MED1: variants seen among roughly 807,000 people sequenced by gnomAD.
MED1 encodes mediator of RNA polymerase II transcription subunit 1.
Under a neutral mutation model 121.3 loss-of-function variants are expected in MED1, and 17 were observed. That is an observed-to-expected ratio of 0.14 (90% CI 0.10 to 0.21). The LOEUF (loss-of-function observed/expected upper bound fraction) is 0.21. Among genes scored for constraint, MED1 ranks in the 10% least tolerant of loss-of-function variants. The pLI is 1.00. For synonymous variants in MED1, 661 were observed against 694.4 expected, an observed-to-expected ratio of 0.95 and a Z score of 0.76; for missense variants, 1,558 against 1,919.4, an observed-to-expected ratio of 0.81 and a Z score of 3.52.
intron 13 of MED1, among the ~76,000 whole-genome samples, chr17:39,420,325 G>A (rs957276396): frequency 2.7e-4 from 41 of 149,978 alleles, no homozygotes; most frequent in African/African-American, 9.8e-4. Flanking sequence ...TCAGCCTCCT[G>A]AGTAGCTGCG....
At chr17:39,412,809 T>TA (rs1384815701) in intron 16 of MED1, among the ~76,000 whole-genome samples, 2 of 152,004 alleles carry the variant, frequency 1.3e-5, no homozygotes, top group Non-Finnish European at 2.9e-5. Flanking sequence ...GTGCTAGGAT[T>TA]ACAGGGGTGA....
rs767233363 is a variant in MED1 at position 39,447,758 on chromosome 17, T to C, written c.132+40A>G. ...GAGCTTAGCGTATTAAGAATAATTA[T>C]CTAAGCAAAACACTTTACCCACTTC... On this transcript the variant is annotated intron_variant, in intron 2 of 16. Coordinates refer to ENST00000300651, the MANE Select transcript of MED1 (RefSeq NM_004774.4). 7 of 1,410,586 alleles carry C rather than the reference T, an allele frequency of 5.0e-6. No homozygotes were observed. The East Asian group carries it at 1.4e-4, about 28-fold the overall frequency. The allele number at this position is 1,410,586 out of a possible 1,614,324, so 87.4% of individuals were successfully genotyped here.
intron 10 of MED1, among the ~76,000 whole-genome samples, chr17:39,426,391 G>A (rs1053198293): frequency 6.6e-6 from 1 of 152,022 alleles, no homozygotes; most frequent in African/African-American, 2.4e-5. Context: ...AGGTTGCAGT[G>A]AGCTGAGATC....
intron 1 of MED1, among the ~76,000 whole-genome samples, chr17:39,449,058 CAG>C (rs1395703752): frequency 6.6e-6 from 1 of 150,646 alleles, no homozygotes; most frequent in Non-Finnish European, 1.5e-5. Flanking sequence ...TTTTTTAAGA[CAG>C]AGTATCACTC....
chr17:39,405,239 T>C lies in MED1; in HGVS notation c.*2236A>G. ...TAAGCAAGTTCAGATGCTGGGTCAG[T>C]GTGGGGGTGAGCCCATCGACAATTC... On this transcript the variant is annotated 3_prime_UTR_variant, in exon 17 of 17. Coordinates refer to ENST00000300651, the MANE Select transcript of MED1 (RefSeq NM_004774.4). 2 of 1,594,456 alleles carry C rather than the reference T, an allele frequency of 1.3e-6. No homozygotes were observed. Among genetic ancestry groups the C allele is most frequent in the East Asian group, 2.2e-5 (1 of 44,522 alleles).
rs1375989512 is a variant in MED1, at chr17:39,406,749, G to A, written c.*726C>T. The A allele has an allele frequency of 3.0e-6, 3 of 985,236 alleles. No homozygotes were observed. Among genetic ancestry groups the A allele is most frequent in the African/African-American group, 1.7e-5 (1 of 57,188 alleles). 61.0% of individuals were successfully genotyped at this position (985,236 alleles called of 1,614,324 possible). Reference sequence around the variant, plus strand: ...TAATTTGCTTGGGCTTGATGCTACAGTATTAGCACAAGCTATAAGCTCCCT... The same window carrying A: ...TAATTTGCTTGGGCTTGATGCTACAATATTAGCACAAGCTATAAGCTCCCT... On this transcript the variant is annotated 3_prime_UTR_variant, in exon 17 of 17. Coordinates refer to ENST00000300651, the MANE Select transcript of MED1 (RefSeq NM_004774.4).
At chr17:39,450,209 C>A (rs1163758574) in intron 1 of MED1, among the ~76,000 whole-genome samples, 2 of 152,162 alleles carry the variant, frequency 1.3e-5, no homozygotes, top group Non-Finnish European at 2.9e-5. Context: ...CGCAGCCTCC[C>A]AAAGCGCTGG....
chr17:39,442,598 G>GA (rs34492410), intron 3 of MED1, among the ~76,000 whole-genome samples: 295 of 65,726 alleles, frequency 4.5e-3, no homozygotes, highest in African/African-American at 7.2e-3. Context: ...CACCGTCTCG[G>GA]AAAAAAAAAA....
At chr17:39,434,221 C>T (rs373095736) in intron 7 of MED1, 28 bp downstream of exon 7, 36 of 1,474,002 alleles carry the variant, frequency 2.4e-5, no homozygotes, top group Admixed American at 1.9e-4. Flanking sequence ...TTTTTACAAA[C>T]AAAAGCAAAA....
chr17:39,406,375 G>C lies in MED1; in HGVS notation c.*1100C>G. On this transcript the variant is annotated 3_prime_UTR_variant, in exon 17 of 17. Transcript: ENST00000300651. ...GTGATGAAGAGAAACAGTGAGTCCA[G>C]CTCTTAGGAATGGCATCAGTTCTCC... 2 of 985,522 alleles carry C rather than the reference G, an allele frequency of 2.0e-6. No homozygotes were observed. The highest frequency in any genetic ancestry group is 2.4e-6 in the Non-Finnish European group (2 of 829,926). 61.0% of individuals were successfully genotyped at this position (985,522 alleles called of 1,614,324 possible). A position where few individuals can be genotyped will look rare whatever the true frequency, so the allele number is the denominator to read the frequency against.
chr17:39,406,176 T>C lies in MED1; in HGVS notation c.*1299A>G. The C allele has an allele frequency of 1.0e-6, 1 of 985,508 alleles. No individual in the cohort carries two copies. The highest frequency in any genetic ancestry group is 1.2e-6 in the Non-Finnish European group (1 of 829,906). 61.0% of individuals were successfully genotyped at this position (985,508 alleles called of 1,614,324 possible). ...ACCTATTTCTCCAAAAAGGTCCAAT[T>C]GGGTTGCTACATAGTAGCAAGGGTT... On this transcript the variant is annotated 3_prime_UTR_variant, in exon 17 of 17. Coordinates refer to ENST00000300651, the MANE Select transcript of MED1 (RefSeq NM_004774.4).
At position 39,440,665 on chromosome 17, in the gene MED1, G is replaced by T; in HGVS notation, c.224C>A (p.Pro75Gln). The change falls in exon 4 of 17, where the codon CCA (proline) becomes CAA (glutamine). Residue 75 changes from proline (P) to glutamine (Q), a missense_variant. By Grantham distance (76) the Pro-to-Gln change is moderately conservative. Transcript: ENST00000300651. This position sits in a 1 kb window ranked among gnomAD's most constrained non-coding sequence, Gnocchi z 4.1. ...LQKALKVTSL[P>Q]AMTDRLESIA... The stretch of plus-strand genomic sequence containing the variant: ...GGACTCCAAACGATCAGTCATTGCT[G>T]GTAAAGATGTTACTATAAAAGGATG... The T allele has an allele frequency of 6.2e-7, 1 of 1,612,450 alleles. No individual in the cohort carries two copies. Among genetic ancestry groups the T allele is most frequent in the South Asian group, 1.1e-5 (1 of 90,702 alleles).
chr17:39,431,295 G>A, intron 8 of MED1, 107 bp from the exon 9 acceptor site: 1 of 797,708 alleles, frequency 1.3e-6, no homozygotes. Context: ...TTTTTTTTTT[G>A]AGACGGAGTT....
rs188152920 is a variant in MED1 at position 39,449,178 on chromosome 17, G to A, written c.26-1274C>T. 3.8e-3 allele frequency among the ~76,000 whole-genome samples: 574 copies of A among 152,158 alleles called. 3 individuals carry two copies. The highest frequency in any genetic ancestry group is 6.8e-3 in the Middle Eastern group (2 of 294). On this transcript the variant is annotated intron_variant, in intron 1 of 16. Coordinates refer to ENST00000300651, the MANE Select transcript of MED1 (RefSeq NM_004774.4). Reference sequence around the variant, plus strand: ...CCAGCTCAGCCTTCAGAGTAGCTGAGACTATAGCTAATTTTCCCTTGAAAC... The same window carrying A: ...CCAGCTCAGCCTTCAGAGTAGCTGAAACTATAGCTAATTTTCCCTTGAAAC...
At chr17:39,443,026 A>T (rs1327911006) in intron 3 of MED1, among the ~76,000 whole-genome samples, 1 of 130,568 alleles carries the variant, frequency 7.7e-6, no homozygotes, top group Non-Finnish European at 1.6e-5. Context: ...TTTTTGAGAC[A>T]AGTCTTGCCC....
intron 13 of MED1, among the ~76,000 whole-genome samples, chr17:39,421,756 C>G (rs1323170191): frequency 1.3e-5 from 2 of 152,018 alleles, no homozygotes; most frequent in African/African-American, 4.8e-5. Flanking sequence ...ATTCTAAGCT[C>G]ATGGCACTTG....
intron 10 of MED1, among the ~76,000 whole-genome samples, chr17:39,426,410 G>A (rs1209790820): frequency 2.0e-5 from 3 of 151,980 alleles, no homozygotes; most frequent in Non-Finnish European, 4.4e-5. Context: ...TCGCACTACT[G>A]CACTCCAGCC....
intron 16 of MED1, among the ~76,000 whole-genome samples, chr17:39,414,155 A>G (rs1378432503): frequency 6.6e-6 from 1 of 151,264 alleles, no homozygotes; most frequent in African/African-American, 2.4e-5. Flanking sequence ...TGAACCCGGG[A>G]GGCAGAGGTT....
In MED1 at chr17:39,447,952, C is replaced by T. The variant is rs778029157; in HGVS notation, c.26-48G>A. 28 of 1,229,732 alleles carry T rather than the reference C, an allele frequency of 2.3e-5. No individual in the cohort carries two copies. The East Asian group carries it at 6.2e-4, about 27-fold the overall frequency. 76.2% of individuals were successfully genotyped at this position (1,229,732 alleles called of 1,614,324 possible). On this transcript the variant is annotated intron_variant, in intron 1 of 16. Transcript: ENST00000300651. ...TTATCAGTAACTGTTCTATCAAGAC[C>T]ATCCACAGTTTTCCTTGCAAAATAA...
Sources: allele counts gnomAD v4.1 joint callset (sites outside exome capture counted in the v4.1 genomes callset), GRCh38; gene constraint gnomAD v4.1.1; non-coding constraint Gnocchi (gnomAD v3.1); transcripts MANE v1.5; gene names NCBI Gene and HGNC (gene_info 2026-07-23, HGNC 2026-07-21).